TUSC3: variants seen among roughly 807,000 people sequenced by gnomAD.
TUSC3 encodes the protein tumor suppressor candidate 3.
TUSC3 carries 45 observed loss-of-function variants against 44.8 expected under a neutral mutation model. That is an observed-to-expected ratio of 1.00 (90% CI 0.79 to 1.29). The LOEUF is 1.29. Among genes scored for constraint, TUSC3 ranks in the 50% most tolerant of loss-of-function variants. TUSC3 has a pLI of 0.00. For missense variants in TUSC3, 519 were observed against 437.9 expected, an observed-to-expected ratio of 1.19 and a Z score of -1.65; for synonymous variants, 212 against 152.9, an observed-to-expected ratio of 1.39 and a Z score of -2.85.
chr8:15,478,734 A>C (rs965429819), intron 1 of TUSC3, among the ~76,000 whole-genome samples: 2 of 152,192 alleles, frequency 1.3e-5, no homozygotes, highest in Non-Finnish European at 2.9e-5. Flanking sequence ...TAGTGCTGCA[A>C]AGAACATATG....
intron 1 of TUSC3, among the ~76,000 whole-genome samples, chr8:15,421,145 C>T (rs1490922662): frequency 2.6e-5 from 4 of 152,030 alleles, no homozygotes; most frequent in African/African-American, 9.7e-5. Context: ...CAGAGTATTC[C>T]ATTCATATTC....
intron 6 of TUSC3, among the ~76,000 whole-genome samples, chr8:15,726,501 A>G (rs971174958): frequency 2.6e-5 from 4 of 152,072 alleles, no homozygotes; most frequent in African/African-American, 9.7e-5. Flanking sequence ...GTTGGTTCAT[A>G]TGCTCTATGA....
chr8:15,837,867 T>A, the TUSC3 span, among the ~76,000 whole-genome samples: 10 of 152,216 alleles, frequency 6.6e-5, no homozygotes, highest in Non-Finnish European at 1.5e-4. Flanking sequence ...AGAAGTTATT[T>A]TGACTTCTTT....
chr8:15,647,364 A>G (rs2129174246), intron 2 of TUSC3, among the ~76,000 whole-genome samples: 1 of 152,282 alleles, frequency 6.6e-6, no homozygotes, highest in East Asian at 1.9e-4. Context: ...AATAAGCTGC[A>G]TATTTGAACC....
chr8:15,741,293 C>G (rs914986081), intron 7 of TUSC3, among the ~76,000 whole-genome samples: 7 of 152,120 alleles, frequency 4.6e-5, no homozygotes, highest in African/African-American at 1.7e-4. Flanking sequence ...GCCATTTCCC[C>G]CATGATTCAT....
At chr8:15,602,508 G>A (rs948288629) in intron 1 of TUSC3, among the ~76,000 whole-genome samples, 2 of 151,508 alleles carry the variant, frequency 1.3e-5, no homozygotes, top group Non-Finnish European at 3.0e-5. Context: ...TTGGTGGAAG[G>A]AGGAAGTAAT....
At chr8:15,711,168 C>A (rs1240106219) in intron 6 of TUSC3, among the ~76,000 whole-genome samples, 1 of 151,482 alleles carries the variant, frequency 6.6e-6, no homozygotes, top group Non-Finnish European at 1.5e-5. Context: ...TTTTCCTTGG[C>A]AATAAAAAGT....
intron 1 of TUSC3, among the ~76,000 whole-genome samples, chr8:15,604,551 G>A (rs910318461): frequency 1.3e-5 from 2 of 151,540 alleles, no homozygotes; most frequent in African/African-American, 2.4e-5. Flanking sequence ...AATACAAGTG[G>A]CACCAAGATA....
intron 1 of TUSC3, among the ~76,000 whole-genome samples, chr8:15,460,991 G>C (rs923026946): frequency 6.6e-6 from 1 of 152,154 alleles, no homozygotes; most frequent in African/African-American, 2.4e-5. Context: ...TTTTTGCTTA[G>C]TTTTGCTTTG....
intron 2 of TUSC3, among the ~76,000 whole-genome samples, chr8:15,493,920 A>G (rs987082951): frequency 3.9e-5 from 6 of 152,204 alleles, no homozygotes; most frequent in African/African-American, 1.2e-4. Flanking sequence ...AAAGACCAAT[A>G]AATATGCTGT....
chr8:15,662,161 G>A lies in TUSC3; in HGVS notation c.573G>A (p.Arg191=). Residue 191 remains arginine (R), a synonymous_variant, in exon 5 of 11, where the codon CGG becomes CGA. Coordinates refer to ENST00000503731, the MANE Select transcript of TUSC3 (RefSeq NM_006765.4). ...WIADRTDVHI[R]VFRPPNYSGT... is the part of the protein sequence containing the mutation. Reference sequence around the variant, plus strand: ...TTTCTATTGCATTTTTGCAGATTCGGGTTTTCAGACCACCCAACTACTCTG... The same window carrying A: ...TTTCTATTGCATTTTTGCAGATTCGAGTTTTCAGACCACCCAACTACTCTG... 6.2e-7 allele frequency: 1 copy of A among 1,612,470 alleles called. No homozygotes were observed. The highest frequency in any genetic ancestry group is 1.3e-5 in the African/African-American group (1 of 74,840).
At chr8:15,718,294 T>C (rs1323277068) in intron 6 of TUSC3, among the ~76,000 whole-genome samples, 1 of 152,148 alleles carries the variant, frequency 6.6e-6, no homozygotes, top group African/African-American at 2.4e-5. Flanking sequence ...GAAATGCCCG[T>C]TGGCTTTGTG....
At chr8:15,807,668 G>C in the TUSC3 span, among the ~76,000 whole-genome samples, 1 of 152,144 alleles carries the variant, frequency 6.6e-6, no homozygotes, top group African/African-American at 2.4e-5. Flanking sequence ...ATGCATGTTG[G>C]ACTACTAAAC....
chr8:15,634,154 A>G (rs1413151171), intron 2 of TUSC3, among the ~76,000 whole-genome samples: 1 of 152,192 alleles, frequency 6.6e-6, no homozygotes, highest in Non-Finnish European at 1.5e-5. Flanking sequence ...TTTGCATGAG[A>G]AGTCCAGCCC....
intron 5 of TUSC3, among the ~76,000 whole-genome samples, chr8:15,668,156 T>A (rs1807761529): frequency 6.6e-6 from 1 of 151,802 alleles, no homozygotes; most frequent in South Asian, 2.1e-4. Flanking sequence ...TTTAGAATTG[T>A]GCCTGGCATG....
chr8:15,645,535 C>A (rs906770385), intron 2 of TUSC3, among the ~76,000 whole-genome samples: 1 of 152,008 alleles, frequency 6.6e-6, no homozygotes, highest in Non-Finnish European at 1.5e-5. Flanking sequence ...AATATGTATA[C>A]CTTATTTATG....
At chr8:15,827,525 TG>T in the TUSC3 span, among the ~76,000 whole-genome samples, 1 of 152,174 alleles carries the variant, frequency 6.6e-6, no homozygotes, top group Non-Finnish European at 1.5e-5. Flanking sequence ...GTTAGCTTAA[TG>T]GAAGTAAAAA....
At chr8:15,628,039 C>G (rs1360965118) in intron 2 of TUSC3, among the ~76,000 whole-genome samples, 1 of 152,150 alleles carries the variant, frequency 6.6e-6, no homozygotes, top group African/African-American at 2.4e-5. Context: ...CCTACTCAGA[C>G]AAAATACCTT....
chr8:15,650,079 A>G (rs1478175783), intron 2 of TUSC3, among the ~76,000 whole-genome samples: 1 of 152,236 alleles, frequency 6.6e-6, no homozygotes, highest in Non-Finnish European at 1.5e-5. Flanking sequence ...GTAGAAACAA[A>G]TATCATCTTA....
Sources: gnomAD v4.1 joint callset for allele counts (sites outside exome capture counted in the v4.1 genomes callset) on GRCh38, gnomAD v4.1.1 for gene constraint, MANE v1.5 for transcripts, NCBI Gene and HGNC (gene_info 2026-07-23, HGNC 2026-07-21) for gene names.